The following PRIM2 variants were observed in gnomAD, a reference collection of about 807,000 sequenced individuals.
The protein encoded by PRIM2 is DNA primase large subunit.
In PRIM2, 39 loss-of-function variants were observed where a neutral mutation model predicts 67.3. That is an observed-to-expected ratio of 0.58 (90% CI 0.45 to 0.76). The LOEUF is 0.76. Ranked by LOEUF, PRIM2 falls within the 30% of genes least tolerant of loss-of-function variation. The pLI is 0.00. For missense variants in PRIM2, 398 were observed against 598.7 expected (o/e 0.66, Z 3.50); for synonymous variants, 143 against 198.7 (o/e 0.72, Z 2.36).
intron 10 of PRIM2, among the ~76,000 whole-genome samples, chr6:57,553,278 G>A (rs1298654359): frequency 1.3e-5 from 2 of 152,058 alleles, no homozygotes; most frequent in African/African-American, 4.8e-5. Context: ...ATAATTTGAT[G>A]TCTCTTTACC....
intron 7 of PRIM2, among the ~76,000 whole-genome samples, chr6:57,425,490 C>T (rs1278578532): frequency 2.6e-5 from 4 of 152,186 alleles, no homozygotes; most frequent in African/African-American, 9.7e-5. Context: ...GCTGGGATTA[C>T]AGGCGTGAGC....
chr6:57,418,989 A>G (rs1157965538), intron 7 of PRIM2, among the ~76,000 whole-genome samples: 1 of 152,150 alleles, frequency 6.6e-6, no homozygotes, highest in African/African-American at 2.4e-5. Context: ...TACATTTTCC[A>G]TAGTGCTTTC....
intron 10 of PRIM2, among the ~76,000 whole-genome samples, chr6:57,575,458 T>G (rs1177422550): frequency 6.6e-6 from 1 of 152,198 alleles, no homozygotes; most frequent in East Asian, 1.9e-4. Flanking sequence ...AGAGGTGTTA[T>G]GATTCAGTGA....
the PRIM2 span, among the ~76,000 whole-genome samples, chr6:57,259,896 G>A: frequency 6.6e-6 from 1 of 152,196 alleles, no homozygotes; most frequent in Non-Finnish European, 1.5e-5. Flanking sequence ...TCAGATGTGA[G>A]TATGAAGTCT....
intron 5 of PRIM2, among the ~76,000 whole-genome samples, chr6:57,353,037 A>G (rs942042475): frequency 1.3e-5 from 2 of 151,460 alleles, no homozygotes; most frequent in Non-Finnish European, 2.9e-5. Flanking sequence ...GTAATGAGAA[A>G]TTAGCATCTT....
At chr6:57,607,674 C>T (rs1776587686) in intron 12 of PRIM2, among the ~76,000 whole-genome samples, 1 of 152,090 alleles carries the variant, frequency 6.6e-6, no homozygotes, top group African/African-American at 2.4e-5. Context: ...TGGTTATAAA[C>T]TGCTGCTAAC....
intron 3 of PRIM2, among the ~76,000 whole-genome samples, chr6:57,322,551 T>C (rs1399072746): frequency 6.6e-6 from 1 of 152,190 alleles, no homozygotes; most frequent in African/African-American, 2.4e-5. Context: ...TGCTCAGCAC[T>C]TCTCCTTACT....
the PRIM2 span, among the ~76,000 whole-genome samples, chr6:57,233,053 C>T: frequency 2.2e-4 from 33 of 152,320 alleles, no homozygotes; most frequent in South Asian, 2.7e-3. Flanking sequence ...AGTTTCCATG[C>T]AAACCATCAT....
chr6:57,460,461 A>C (rs1442890693), intron 7 of PRIM2, among the ~76,000 whole-genome samples: 15 of 152,182 alleles, frequency 9.9e-5, no homozygotes, highest in African/African-American at 3.4e-4. Flanking sequence ...AACCATCAAA[A>C]GGATATTATT....
At chr6:57,641,606 A>G (rs2127501911) in intron 13 of PRIM2, among the ~76,000 whole-genome samples, 1 of 152,358 alleles carries the variant, frequency 6.6e-6, no homozygotes, top group South Asian at 2.1e-4. Context: ...GAAGACATTT[A>G]TGTGGCCAAC....
At chr6:57,568,498 C>T (rs1775793313) in intron 10 of PRIM2, among the ~76,000 whole-genome samples, 1 of 152,128 alleles carries the variant, frequency 6.6e-6, no homozygotes, top group Non-Finnish European at 1.5e-5. Context: ...ATCAGCTTTT[C>T]AGTATTACTT....
At chr6:57,379,739 C>A (rs1668002952) in intron 5 of PRIM2, 162 bp from the exon 6 acceptor site, 2 of 318,238 alleles carry the variant, frequency 6.3e-6, no homozygotes, top group African/African-American at 2.3e-5. Context: ...TTTGCCTTCA[C>A]TAATGATAGT....
At chr6:57,347,218 G>A (rs1038867158) in intron 5 of PRIM2, among the ~76,000 whole-genome samples, 1 of 152,210 alleles carries the variant, frequency 6.6e-6, no homozygotes, top group African/African-American at 2.4e-5. Flanking sequence ...TAAGGCTTCT[G>A]TATGAATATT....
At chr6:57,514,859 C>T (rs1373988158) in intron 8 of PRIM2, among the ~76,000 whole-genome samples, 1 of 151,996 alleles carries the variant, frequency 6.6e-6, no homozygotes, top group African/African-American at 2.4e-5. Context: ...AACAGTACCC[C>T]CCTCCCCACC....
intron 3 of PRIM2, among the ~76,000 whole-genome samples, chr6:57,321,527 T>A (rs961732519): frequency 6.6e-6 from 1 of 151,888 alleles, no homozygotes; most frequent in Non-Finnish European, 1.5e-5. Context: ...AATACCAATA[T>A]TGAAGGTAAA....
chr6:57,416,661 C>G (rs1233237445), intron 7 of PRIM2, among the ~76,000 whole-genome samples: 1 of 152,162 alleles, frequency 6.6e-6, no homozygotes, highest in Non-Finnish European at 1.5e-5. Flanking sequence ...ACCTAAACAA[C>G]AGCTTTTTCA....
the PRIM2 span, among the ~76,000 whole-genome samples, chr6:57,285,229 A>G: frequency 1.3e-5 from 2 of 152,332 alleles, no homozygotes; most frequent in African/African-American, 4.8e-5. Flanking sequence ...TTCTGAAACT[A>G]TTCCAAACAA....
intron 5 of PRIM2, among the ~76,000 whole-genome samples, chr6:57,352,674 T>A (rs929298009): frequency 2.6e-5 from 4 of 152,184 alleles, no homozygotes; most frequent in Non-Finnish European, 5.9e-5. Flanking sequence ...TTGACACATT[T>A]CTTCCAATGA....
chr6:57,380,519 T>G (rs893158406), intron 6 of PRIM2, among the ~76,000 whole-genome samples: 2 of 152,086 alleles, frequency 1.3e-5, no homozygotes, highest in African/African-American at 4.8e-5. Flanking sequence ...CACCTCAGTT[T>G]CCCCTCCCCA....
Sources: allele counts gnomAD v4.1 joint callset (sites outside exome capture counted in the v4.1 genomes callset), GRCh38; gene constraint gnomAD v4.1.1; transcripts MANE v1.5; gene names NCBI Gene and HGNC (gene_info 2026-07-23, HGNC 2026-07-21).